The following FGF14 variants were observed in gnomAD, a reference collection of about 807,000 sequenced individuals.
FGF14 encodes the protein fibroblast growth factor 14, also known as fibroblast growth factor homologous factor 4.
In FGF14, 5 loss-of-function variants were observed where a neutral mutation model predicts 25.5. The observed-to-expected ratio is 0.20, with a 90% CI of 0.10 to 0.41. The LOEUF (loss-of-function observed/expected upper bound fraction) is 0.41. Ranked by LOEUF, FGF14 falls within the 10% of genes least tolerant of loss-of-function variation. The probability of loss-of-function intolerance (pLI) is 1.00; values close to 1 mark genes in which losing one functional copy is unlikely to be tolerated. For missense variants in FGF14, 222 were observed against 320.1 expected, an observed-to-expected ratio of 0.69 and a Z score of 2.34; for synonymous variants, 138 against 118.3, an observed-to-expected ratio of 1.17 and a Z score of -1.08.
intron 1 of FGF14, among the ~76,000 whole-genome samples, chr13:102,066,416 A>G (rs2042905773): frequency 6.6e-6 from 1 of 152,194 alleles, no homozygotes; most frequent in African/African-American, 2.4e-5. Context: ...TCAAAAATAA[A>G]AGAACCAGTT....
At chr13:102,173,617 T>C (rs1447599734) in intron 1 of FGF14, among the ~76,000 whole-genome samples, 2 of 152,164 alleles carry the variant, frequency 1.3e-5, no homozygotes, top group Non-Finnish European at 2.9e-5. Flanking sequence ...ATGTGACATA[T>C]ACATACAATG....
chr13:102,030,643 C>T (rs1203691561), intron 1 of FGF14, among the ~76,000 whole-genome samples: 3 of 151,984 alleles, frequency 2.0e-5, no homozygotes, highest in African/African-American at 4.8e-5. Flanking sequence ...AGAGTCCAGG[C>T]GTACGGCTTC....
intron 3 of FGF14, among the ~76,000 whole-genome samples, chr13:101,828,876 C>A (rs1044741278): frequency 3.3e-5 from 5 of 152,010 alleles, no homozygotes; most frequent in Admixed American, 6.6e-5. Flanking sequence ...AGAACTAGTT[C>A]CACCGTAGTT....
chr13:102,023,626 C>T (rs987242493), intron 1 of FGF14, among the ~76,000 whole-genome samples: 1 of 152,046 alleles, frequency 6.6e-6, no homozygotes, highest in South Asian at 2.1e-4. Context: ...CCCCTGACAA[C>T]AACTAATCTA....
chr13:101,900,255 G>A (rs1365611159), intron 1 of FGF14, among the ~76,000 whole-genome samples: 3 of 151,914 alleles, frequency 2.0e-5, no homozygotes, highest in African/African-American at 7.3e-5. Context: ...AAATCAACAA[G>A]CTTACAATTT....
chr13:101,868,688 T>G, intron 3 of FGF14, 37 bp downstream of exon 3: 2 of 1,243,576 alleles, frequency 1.6e-6, no homozygotes, highest in Non-Finnish European at 2.4e-6. Flanking sequence ...TTTACATGCA[T>G]TGAACGAATG....
chr13:102,138,006 C>T (rs1432667201), intron 1 of FGF14, among the ~76,000 whole-genome samples: 8 of 150,300 alleles, frequency 5.3e-5, no homozygotes, highest in Non-Finnish European at 1.0e-4. Context: ...GAAAGTGGAC[C>T]GTCCCAGCTG....
chr13:102,378,919 C>A (rs2058110671), intron 1 of FGF14, among the ~76,000 whole-genome samples: 1 of 151,996 alleles, frequency 6.6e-6, no homozygotes, highest in African/African-American at 2.4e-5. Context: ...ATAAAACTGG[C>A]CCATCGATAT....
chr13:102,160,838 G>A (rs2047591230), intron 1 of FGF14, among the ~76,000 whole-genome samples: 1 of 151,934 alleles, frequency 6.6e-6, no homozygotes, highest in East Asian at 1.9e-4. Flanking sequence ...CTTATAAAGT[G>A]GTAAAACAAT....
At chr13:101,754,112 C>T (rs1007880505) in intron 3 of FGF14, among the ~76,000 whole-genome samples, 2 of 152,160 alleles carry the variant, frequency 1.3e-5, no homozygotes, top group Non-Finnish European at 2.9e-5. Context: ...TGAATGTTGT[C>T]ATCTTCCTAG....
intron 1 of FGF14, among the ~76,000 whole-genome samples, chr13:102,037,578 T>A (rs2041536377): frequency 1.3e-5 from 2 of 151,968 alleles, no homozygotes; most frequent in East Asian, 3.9e-4. Flanking sequence ...TAGGAGGAAA[T>A]AAGGGAATGG....
intron 1 of FGF14, among the ~76,000 whole-genome samples, chr13:102,122,944 C>T (rs2045794609): frequency 6.6e-6 from 1 of 152,148 alleles, no homozygotes; most frequent in African/African-American, 2.4e-5. Flanking sequence ...CTCAAGTTGC[C>T]TTAGCCTGCC....
chr13:102,149,395 A>G (rs542423633), intron 1 of FGF14, among the ~76,000 whole-genome samples: 2 of 152,264 alleles, frequency 1.3e-5, no homozygotes, highest in Non-Finnish European at 2.9e-5. Context: ...GTACCATAGC[A>G]CTTCTTAAAG....
intron 1 of FGF14, among the ~76,000 whole-genome samples, chr13:102,341,106 A>G (rs1218804553): frequency 1.3e-5 from 2 of 152,090 alleles, no homozygotes; most frequent in Non-Finnish European, 2.9e-5. Context: ...CAAAAGTAAA[A>G]GGGGGGAAAA....
At chr13:101,954,418 AAG>A (rs1170340314) in intron 1 of FGF14, among the ~76,000 whole-genome samples, 1 of 152,160 alleles carries the variant, frequency 6.6e-6, no homozygotes, top group African/African-American at 2.4e-5. Flanking sequence ...GGCTTGAGAG[AAG>A]ACAGGCCCTC....
chr13:101,896,631 AAG>A (rs2030721380), intron 1 of FGF14, among the ~76,000 whole-genome samples: 1 of 152,216 alleles, frequency 6.6e-6, no homozygotes. Flanking sequence ...GGGATGAAGG[AAG>A]AGTTGAAAAA....
chr13:102,156,246 A>G (rs966287510), intron 1 of FGF14, among the ~76,000 whole-genome samples: 31 of 152,246 alleles, frequency 2.0e-4, no homozygotes, highest in Admixed American at 6.5e-5. Flanking sequence ...ATGAACATCA[A>G]TGCAAAAATC....
At chr13:102,368,434 A>G (rs1484316726) in intron 1 of FGF14, among the ~76,000 whole-genome samples, 1 of 152,222 alleles carries the variant, frequency 6.6e-6, no homozygotes, top group African/African-American at 2.4e-5. Flanking sequence ...GTAAGGAGTT[A>G]ATAAATATTT....
chr13:101,941,332 T>C (rs2035435886), intron 1 of FGF14, among the ~76,000 whole-genome samples: 1 of 152,254 alleles, frequency 6.6e-6, no homozygotes, highest in Non-Finnish European at 1.5e-5. Context: ...CACTAGCTCT[T>C]AACTGGCCAA....
Sources: allele counts gnomAD v4.1 joint callset (sites outside exome capture counted in the v4.1 genomes callset), GRCh38; gene constraint gnomAD v4.1.1; transcripts MANE v1.5; gene names NCBI Gene and HGNC (gene_info 2026-07-23, HGNC 2026-07-21).